Variants in PPARGC1A observed in about 807,000 individuals in gnomAD.
PPARGC1A encodes peroxisome proliferator-activated receptor gamma coactivator 1-alpha.
Under a neutral mutation model 88.7 loss-of-function variants are expected in PPARGC1A, and 25 were observed. The ratio of observed to expected loss-of-function variants is 0.28; its 90% CI spans 0.21 to 0.39. The LOEUF (loss-of-function observed/expected upper bound fraction) is 0.39. Among genes scored for constraint, PPARGC1A ranks in the 10% least tolerant of loss-of-function variants. The probability of loss-of-function intolerance (pLI) is 1.00; values close to 1 mark genes in which losing one functional copy is unlikely to be tolerated. For missense variants in PPARGC1A, 880 were observed against 968.7 expected, an observed-to-expected ratio of 0.91 and a Z score of 1.22; for synonymous variants, 363 against 355.6, an observed-to-expected ratio of 1.02 and a Z score of -0.24.
chr4:24,449,172 C>T, the PPARGC1A span, among the ~76,000 whole-genome samples: 43 of 152,244 alleles, frequency 2.8e-4, no homozygotes, highest in East Asian at 6.6e-3. Context: ...AACCAATCAA[C>T]GACCCCAATT....
chr4:23,923,125 T>G, the PPARGC1A span, among the ~76,000 whole-genome samples: 11 of 151,920 alleles, frequency 7.2e-5, no homozygotes, highest in East Asian at 5.8e-4. Context: ...TGTTTTTTTT[T>G]TTTTTTTTTT....
the PPARGC1A span, among the ~76,000 whole-genome samples, chr4:24,225,764 T>C: frequency 1.3e-5 from 2 of 151,926 alleles, no homozygotes; most frequent in Non-Finnish European, 2.9e-5. Context: ...TAGGTTTGGA[T>C]GGAGAAAATC....
At chr4:24,016,652 A>G in the PPARGC1A span, among the ~76,000 whole-genome samples, 1 of 152,210 alleles carries the variant, frequency 6.6e-6, no homozygotes, top group Non-Finnish European at 1.5e-5. Flanking sequence ...AATATACTGT[A>G]TCATTGGAAA....
intron 2 of PPARGC1A, among the ~76,000 whole-genome samples, chr4:23,876,737 C>A (rs1176272504): frequency 8.6e-5 from 13 of 151,982 alleles, no homozygotes; most frequent in Non-Finnish European, 1.5e-5. Flanking sequence ...TTTAAAAAAA[C>A]TCAATGGGGG....
the PPARGC1A span, among the ~76,000 whole-genome samples, chr4:24,026,169 G>A: frequency 1.3e-5 from 2 of 152,180 alleles, no homozygotes; most frequent in African/African-American, 4.8e-5. Context: ...ATTAGTTGAT[G>A]CTGAAAACCA....
intron 10 of PPARGC1A, among the ~76,000 whole-genome samples, chr4:23,803,363 C>G (rs1719146660): frequency 6.6e-6 from 1 of 151,954 alleles, no homozygotes; most frequent in Non-Finnish European, 1.5e-5. Flanking sequence ...AGAATAAGAG[C>G]TAAATAAAAG....
At chr4:24,077,635 GTGT>G in the PPARGC1A span, among the ~76,000 whole-genome samples, 4 of 135,246 alleles carry the variant, frequency 3.0e-5, no homozygotes, top group Non-Finnish European at 6.3e-5. Context: ...GTGTGTGTGT[GTGT>G]GTGTGTGTGT....
chr4:24,023,210 G>A, the PPARGC1A span, among the ~76,000 whole-genome samples: 3 of 152,072 alleles, frequency 2.0e-5, no homozygotes, highest in Admixed American at 2.0e-4. Context: ...CCATAGGTTT[G>A]CATTAGTCAT....
At chr4:24,453,457 G>A in the PPARGC1A span, among the ~76,000 whole-genome samples, 9 of 152,338 alleles carry the variant, frequency 5.9e-5, no homozygotes, top group East Asian at 1.3e-3. Context: ...GATGCAGGTC[G>A]ACTTGAGTTA....
chr4:24,415,473 T>C, the PPARGC1A span, among the ~76,000 whole-genome samples: 3 of 152,028 alleles, frequency 2.0e-5, no homozygotes, highest in African/African-American at 7.2e-5. Context: ...AGGCCAAAGG[T>C]TTTGATTCTA....
At chr4:24,061,708 C>T in the PPARGC1A span, among the ~76,000 whole-genome samples, 5 of 152,172 alleles carry the variant, frequency 3.3e-5, no homozygotes, top group Non-Finnish European at 4.4e-5. Flanking sequence ...GCCTCTGTGG[C>T]CTTTCTCTTT....
chr4:24,103,449 G>A, the PPARGC1A span, among the ~76,000 whole-genome samples: 19 of 152,112 alleles, frequency 1.2e-4, no homozygotes, highest in Admixed American at 3.9e-4. Flanking sequence ...AGAAAAGCAC[G>A]AAAGAGCACC....
intron 2 of PPARGC1A, among the ~76,000 whole-genome samples, chr4:23,832,734 C>T (rs1366990754): frequency 6.6e-6 from 1 of 151,506 alleles, no homozygotes; most frequent in East Asian, 1.9e-4. Context: ...CTCAGCCTCC[C>T]GAGTAGCTGG....
the PPARGC1A span, among the ~76,000 whole-genome samples, chr4:23,967,540 G>A: frequency 1.3e-5 from 2 of 152,074 alleles, no homozygotes; most frequent in Non-Finnish European, 2.9e-5. Flanking sequence ...GGAGTGTCAG[G>A]TTCAAGGGAA....
the PPARGC1A span, among the ~76,000 whole-genome samples, chr4:24,050,199 G>GT: frequency 0.043 from 5,768 of 134,628 alleles, 514 homozygotes; most frequent in African/African-American, 0.15. Flanking sequence ...GTGACCTTTT[G>GT]TTTTTTTTTT....
In PPARGC1A at chr4:23,795,772, G is replaced by A. The variant is rs990186528; in HGVS notation, c.*50C>T. 1 of 1,414,844 alleles carries A rather than the reference G, an allele frequency of 7.1e-7. No individual in the cohort carries two copies. The highest frequency in any genetic ancestry group is 2.1e-5 in the Admixed American group (1 of 48,288). The allele number at this position is 1,414,844 out of a possible 1,614,324, so 87.6% of individuals were successfully genotyped here. A position where few individuals can be genotyped will look rare whatever the true frequency, so the allele number is the denominator to read the frequency against. ...AATAGTCTTTAGGGAAGGACGCGCTGTCCCATGAGGTATTCGCCATCCCTC... is the reference window on the plus strand; with the variant it reads ...AATAGTCTTTAGGGAAGGACGCGCTATCCCATGAGGTATTCGCCATCCCTC... On this transcript the variant is annotated 3_prime_UTR_variant, in exon 13 of 13. Transcript: ENST00000264867.
intron 4 of PPARGC1A, among the ~76,000 whole-genome samples, chr4:23,829,005 T>G (rs1724522856): frequency 6.6e-6 from 1 of 152,174 alleles, no homozygotes; most frequent in Non-Finnish European, 1.5e-5. Context: ...AGACAAACAT[T>G]GTTTAATACA....
the PPARGC1A span, among the ~76,000 whole-genome samples, chr4:24,371,351 T>C: frequency 6.6e-6 from 1 of 152,174 alleles, no homozygotes; most frequent in Admixed American, 6.5e-5. Context: ...CTTTGATCTA[T>C]CAGGAACCAT....
At chr4:24,187,697 T>TGC in the PPARGC1A span, among the ~76,000 whole-genome samples, 3 of 152,218 alleles carry the variant, frequency 2.0e-5, no homozygotes, top group African/African-American at 7.2e-5. Flanking sequence ...GGATTAGACG[T>TGC]CTATTAAAAT....
Sources: gnomAD v4.1 joint callset for allele counts (sites outside exome capture counted in the v4.1 genomes callset) on GRCh38, gnomAD v4.1.1 for gene constraint, MANE v1.5 for transcripts, NCBI Gene and HGNC (gene_info 2026-07-23, HGNC 2026-07-21) for gene names.